The following AEN variants were observed in gnomAD, a reference collection of about 807,000 sequenced individuals.
AEN encodes the protein apoptosis enhancing nuclease, also known as apoptosis-enhancing nuclease.
Under a neutral mutation model 17.7 loss-of-function variants are expected in AEN, and 21 were observed. The observed-to-expected ratio is 1.19, with a 90% confidence interval of 0.84 to 1.71. The LOEUF is 1.71. AEN is among the 40% of genes most tolerant of loss of function. The pLI, the probability that AEN is intolerant of heterozygous loss-of-function variation, is 0.00. For missense variants in AEN, 462 were observed against 435.9 expected, an observed-to-expected ratio of 1.06 and a Z score of -0.53; for synonymous variants, 190 against 173.0, an observed-to-expected ratio of 1.10 and a Z score of -0.77.
chr15:88,604,694 CTG>C, the AEN span: 2 of 152,514 alleles, frequency 1.3e-5, no homozygotes, highest in African/African-American at 2.4e-5. This position sits in a 1 kb window ranked among gnomAD's most constrained non-coding sequence, Gnocchi z 8.1. Flanking sequence ...GCCGCGGCGA[CTG>C]TGTTTGCACC....
In AEN at chr15:88,630,173, A is replaced by T. The variant is rs753335171; in HGVS notation, c.857A>T (p.Glu286Val). The change falls in exon 4 of 4, where the codon GAG becomes GTG. Residue 286 changes from glutamate (E) to valine (V), a missense_variant. Transcript: ENST00000332810. This position sits in a 1 kb window ranked among gnomAD's most constrained non-coding sequence, Gnocchi z 5.1. ...QEARSLWTCP[E>V]DREPDSSTDM... ...GCCCGCAGCCTCTGGACCTGCCCCG[A>T]GGACAGAGAACCTGACAGCAGCACA... 1.9e-5 allele frequency: 31 copies of T among 1,613,658 alleles called. No individual in the cohort carries two copies. Among genetic ancestry groups the T allele is most frequent in the Non-Finnish European group, 2.6e-5 (31 of 1,179,890 alleles).
intron 1 of AEN, among the ~76,000 whole-genome samples, chr15:88,625,420 A>C (rs2057838780): frequency 6.6e-6 from 1 of 152,164 alleles, no homozygotes; most frequent in Non-Finnish European, 1.5e-5. Context: ...CAGGAGGCTG[A>C]GGTGGGAGGA....
the AEN span, chr15:88,611,904 C>T: frequency 1.9e-6 from 1 of 515,298 alleles, no homozygotes. Flanking sequence ...AACAACAAAT[C>T]CCAGTCTACC....
intron 1 of AEN, among the ~76,000 whole-genome samples, 187 bp from the exon 2 acceptor site, chr15:88,625,959 C>T (rs1001958580): frequency 2.0e-5 from 3 of 152,194 alleles, no homozygotes; most frequent in African/African-American, 7.2e-5. Context: ...AACAGTGATT[C>T]ACCTGTGTTT....
chr15:88,631,975 C>A lies in AEN; in HGVS notation c.*1681C>A, dbSNP rs2057934836. On this transcript the variant is annotated 3_prime_UTR_variant, in exon 4 of 4. Transcript: ENST00000332810. ...TGCTGAAATCACACTACCCCACCCTCAGCTGAAGCCCCACGTTCCACAAAC... is the reference window on the plus strand; with the variant it reads ...TGCTGAAATCACACTACCCCACCCTAAGCTGAAGCCCCACGTTCCACAAAC... 1.3e-5 allele frequency: 2 copies of A among 152,482 alleles called. No individual in the cohort carries two copies. Among genetic ancestry groups the A allele is most frequent in the Non-Finnish European group, 2.9e-5 (2 of 68,244 alleles). The allele number at this position is 152,482 out of a possible 1,614,324, so 9.4% of individuals were successfully genotyped here.
the AEN span, chr15:88,604,753 C>T: frequency 6.6e-6 from 1 of 152,288 alleles, no homozygotes; most frequent in Non-Finnish European, 1.5e-5. This position sits in a 1 kb window ranked among gnomAD's most constrained non-coding sequence, Gnocchi z 8.1. Flanking sequence ...CTGATGGCCT[C>T]AGAGAGGCAA....
At chr15:88,611,784 G>A in the AEN span, 3 of 446,782 alleles carry the variant, frequency 6.7e-6, no homozygotes, top group African/African-American at 4.2e-5. Flanking sequence ...ACCTGGTGGC[G>A]AGGGGAGGGG....
chr15:88,629,125 CAG>C, intron 2 of AEN, 99 bp from the exon 3 acceptor site: 1 of 1,191,082 alleles, frequency 8.4e-7, no homozygotes, highest in South Asian at 1.3e-5. Context: ...CCTCCCCCCA[CAG>C]GGATCCATGC....
upstream of AEN, among the ~76,000 whole-genome samples, chr15:88,619,604 C>G (rs1367273243): frequency 1.3e-5 from 2 of 152,182 alleles, no homozygotes; most frequent in East Asian, 1.9e-4. Context: ...AGGAAAATTA[C>G]TTGAACCCGG....
At chr15:88,606,055 A>AT in the AEN span, among the ~76,000 whole-genome samples, 1 of 152,238 alleles carries the variant, frequency 6.6e-6, no homozygotes, top group South Asian at 2.1e-4. Context: ...CAGTGGAAAA[A>AT]CTTGGCGCCA....
Position 88,631,276 on chromosome 15 carries a change from T to TA in AEN, c.*983dup, listed in dbSNP as rs1241328615. 10 of 416,038 alleles carry TA rather than the reference T, an allele frequency of 2.4e-5. No individual in the cohort carries two copies. Among genetic ancestry groups the TA allele is most frequent in the Non-Finnish European group, 5.1e-5 (10 of 197,848 alleles). 25.8% of individuals were successfully genotyped at this position (416,038 alleles called of 1,614,324 possible). ...GGGGCTGGGGCAGGGCATTGGCAGT[T>TA]ACGCAGTGGCCCTGAACCTGGTCTG... On this transcript the variant is annotated 3_prime_UTR_variant, in exon 4 of 4. Coordinates refer to ENST00000332810, the MANE Select transcript of AEN (RefSeq NM_022767.4).
intron 1 of AEN, among the ~76,000 whole-genome samples, chr15:88,624,315 G>A (rs2057824405): frequency 6.6e-6 from 1 of 152,166 alleles, no homozygotes; most frequent in African/African-American, 2.4e-5. Flanking sequence ...GTCTGAAAGA[G>A]CAGGAGGGCT....
rs1300466123 is a variant in AEN at position 88,630,789 on chromosome 15, C to T, written c.*495C>T. On this transcript the variant is annotated 3_prime_UTR_variant, in exon 4 of 4. Transcript: ENST00000332810. This position sits in a 1 kb window ranked among gnomAD's most constrained non-coding sequence, Gnocchi z 5.1. ...TTCCTTTTGTTGCCTACCTCTTCCT[C>T]CACTCATTTGGGTTCAGAATAAACA... The T allele has an allele frequency of 4.5e-6, 1 of 223,556 alleles. No individual in the cohort carries two copies. The highest frequency in any genetic ancestry group is 9.3e-6 in the Non-Finnish European group (1 of 107,434). The allele number at this position is 223,556 out of a possible 1,614,324, so 13.8% of individuals were successfully genotyped here. A position where few individuals can be genotyped will look rare whatever the true frequency, so the allele number is the denominator to read the frequency against.
At chr15:88,623,244 T>A (rs1367991659) in intron 1 of AEN, among the ~76,000 whole-genome samples, 1 of 152,170 alleles carries the variant, frequency 6.6e-6, no homozygotes, top group Admixed American at 6.5e-5. Flanking sequence ...AAGAGAGACC[T>A]TTTCTCCTGG....
At chr15:88,613,805 AT>A in the AEN span, among the ~76,000 whole-genome samples, 3 of 152,202 alleles carry the variant, frequency 2.0e-5, no homozygotes, top group Admixed American at 2.0e-4. Context: ...TTGCTAGGTT[AT>A]TACGATAAGT....
intron 1 of AEN, among the ~76,000 whole-genome samples, chr15:88,623,985 A>AT (rs369627330): frequency 6.4e-4 from 98 of 152,304 alleles, no homozygotes; most frequent in African/African-American, 2.3e-3. Context: ...ATGGCCACTG[A>AT]TTCTTCTCCC....
the AEN span, among the ~76,000 whole-genome samples, chr15:88,609,769 A>G: frequency 3.3e-4 from 51 of 152,254 alleles, no homozygotes; most frequent in African/African-American, 1.2e-3. Context: ...GGCCACAATC[A>G]GTTCAAATTC....
chr15:88,612,876 T>A, the AEN span, among the ~76,000 whole-genome samples: 1 of 152,124 alleles, frequency 6.6e-6, no homozygotes, highest in Non-Finnish European at 1.5e-5. Flanking sequence ...GCTGGGAGTA[T>A]AGGCATCAGC....
intron 1 of AEN, among the ~76,000 whole-genome samples, chr15:88,625,647 G>C (rs943785346): frequency 6.6e-6 from 1 of 152,138 alleles, no homozygotes; most frequent in Non-Finnish European, 1.5e-5. Flanking sequence ...TTTCAAAAAA[G>C]TATTTCTTAA....
Sources: allele counts gnomAD v4.1 joint callset (sites outside exome capture counted in the v4.1 genomes callset), GRCh38; gene constraint gnomAD v4.1.1; non-coding constraint Gnocchi (gnomAD v3.1); transcripts MANE v1.5; gene names NCBI Gene and HGNC (gene_info 2026-07-23, HGNC 2026-07-21).